The following LAMA3 variants were observed in gnomAD, a reference collection of about 807,000 sequenced individuals.
The protein encoded by LAMA3 is laminin subunit alpha 3, also known as laminin subunit alpha-3.
LAMA3 carries 281 observed loss-of-function variants against 402.0 expected under a neutral mutation model. The ratio of observed to expected loss-of-function variants is 0.70; its 90% CI spans 0.63 to 0.77. The LOEUF (loss-of-function observed/expected upper bound fraction) is 0.77. Ranked by LOEUF, LAMA3 falls within the 30% of genes least tolerant of loss-of-function variation. The probability of loss-of-function intolerance (pLI) is 0.00; values close to 1 mark genes in which losing one functional copy is unlikely to be tolerated. For synonymous variants in LAMA3, 1,431 were observed against 1,558.4 expected, an observed-to-expected ratio of 0.92 and a Z score of 1.93; for missense variants, 3,840 against 4,215.5, an observed-to-expected ratio of 0.91 and a Z score of 2.47.
Position 23,784,145 on chromosome 18 carries a change from C to T in LAMA3, c.1591C>T (p.Pro531Ser). 1 of 1,614,126 alleles carries T rather than the reference C, an allele frequency of 6.2e-7. No homozygotes were observed. The highest frequency in any genetic ancestry group is 1.1e-5 in the South Asian group (1 of 91,072). Residue 531 changes from proline (P) to serine (S), a missense_variant, in exon 12 of 75, where the codon CCT (proline) becomes TCT (serine). Physicochemically the swap from Pro to Ser is moderately conservative, Grantham distance 74. Transcript: ENST00000313654. ...DTCRSGFYSF[P>S]ICQACWCSAL... Reference sequence around the variant, plus strand: ...CTGCCGCTCTGGTTTCTACTCATTCCCTATTTGCCAAGGTAAGTGGGCAGA... The same window carrying T: ...CTGCCGCTCTGGTTTCTACTCATTCTCTATTTGCCAAGGTAAGTGGGCAGA...
At chr18:23,900,381 A>G (rs1329562263) in intron 47 of LAMA3, among the ~76,000 whole-genome samples, 1 of 152,122 alleles carries the variant, frequency 6.6e-6, no homozygotes, top group Non-Finnish European at 1.5e-5. Context: ...TCTGAAATGA[A>G]CTTTTGACTG....
rs909286342 is a variant in LAMA3 at position 23,839,722 on chromosome 18, A to G, written c.3192-63A>G. 1.8e-5 allele frequency: 28 copies of G among 1,571,600 alleles called. No individual in the cohort carries two copies. Among genetic ancestry groups the G allele is most frequent in the Non-Finnish European group, 2.5e-5 (28 of 1,142,046 alleles). ...ATGCTCCAAGTCTGTCTCTTCACTGATGGTCAGTTCTGTAGCTTTGGGTTC... is the reference window on the plus strand; with the variant it reads ...ATGCTCCAAGTCTGTCTCTTCACTGGTGGTCAGTTCTGTAGCTTTGGGTTC... On this transcript the variant is annotated intron_variant, in intron 26 of 74. Coordinates refer to ENST00000313654, the MANE Select transcript of LAMA3 (RefSeq NM_198129.4). The surrounding 1 kb of genome is among the most constrained non-coding windows in gnomAD (Gnocchi z 4.5).
intron 42 of LAMA3, among the ~76,000 whole-genome samples, chr18:23,891,660 T>G (rs910301526): frequency 6.6e-6 from 1 of 151,828 alleles, no homozygotes; most frequent in African/African-American, 2.4e-5. Context: ...TGTAGTTGAG[T>G]GGAAAAAATA....
At position 23,839,913 on chromosome 18, in the gene LAMA3, C is replaced by G. The variant is rs1205290420; in HGVS notation, c.3320C>G (p.Thr1107Ser). The G allele has an allele frequency of 1.2e-6, 2 of 1,614,186 alleles. No homozygotes were observed. The highest frequency in any genetic ancestry group is 2.2e-5 in the East Asian group (1 of 44,888). Residue 1107 changes from threonine to serine, a missense_variant, in exon 27 of 75, where the codon ACC becomes AGC. Physicochemically the swap from Thr to Ser is moderately conservative, Grantham distance 58. This residue lies in a region of LAMA3 where 2,109 missense variants were observed against 2,376.0 expected (regional missense o/e 0.89). Coordinates refer to ENST00000313654, the MANE Select transcript of LAMA3 (RefSeq NM_198129.4). This position sits in a 1 kb window ranked among gnomAD's most constrained non-coding sequence, Gnocchi z 4.5. ...SPSVDVLPGV[T>S]LKAPQNQVTL... ...TCTGTTGATGTTCTTCCTGGGGTCA[C>G]CTTGAAGGCACCGCAGGTAGTGTGC...
chr18:23,767,483 A>G (rs1396210590), intron 8 of LAMA3, among the ~76,000 whole-genome samples: 1 of 152,190 alleles, frequency 6.6e-6, no homozygotes, highest in African/African-American at 2.4e-5. Context: ...ACAGAACTCA[A>G]AAATAAAGCC....
intron 2 of LAMA3, among the ~76,000 whole-genome samples, chr18:23,736,236 T>A (rs1192784709): frequency 6.6e-6 from 1 of 150,844 alleles, no homozygotes; most frequent in Non-Finnish European, 1.5e-5. Flanking sequence ...ATGAAGTGCT[T>A]TTTTAATGTA....
Position 23,946,340 on chromosome 18 carries a change from A to G in LAMA3, c.9351+56A>G. On this transcript the variant is annotated intron_variant, in intron 70 of 74. Transcript: ENST00000313654. The stretch of plus-strand genomic sequence containing the variant: ...AAACAATTCACCTTATATTATAGGC[A>G]TAATTGTATGAGATATTCAAAATAC... 6 of 1,529,976 alleles carry G rather than the reference A, an allele frequency of 3.9e-6. No individual in the cohort carries two copies. The South Asian group carries it at 6.7e-5, about 17-fold the overall frequency. 94.8% of individuals were successfully genotyped at this position (1,529,976 alleles called of 1,614,324 possible).
chr18:23,889,940 G>C, intron 41 of LAMA3, 71 bp from the exon 42 acceptor site: 1 of 1,134,988 alleles, frequency 8.8e-7, no homozygotes, highest in Non-Finnish European at 1.3e-6. Flanking sequence ...GAGAGCTAGA[G>C]ATTGAGAAAA....
rs1189955074 is a variant in LAMA3, at chr18:23,953,129, C to T, written c.9856+20C>T. ...CTCCAGGTAACTCTTGTCCTGACTTCTATAATGTGTTGCCCTGTGTCAGCT... is the reference window on the plus strand; with the variant it reads ...CTCCAGGTAACTCTTGTCCTGACTTTTATAATGTGTTGCCCTGTGTCAGCT... On this transcript the variant is annotated intron_variant, in intron 74 of 74. Transcript: ENST00000313654. The T allele has an allele frequency of 6.2e-7, 1 of 1,613,380 alleles. No individual in the cohort carries two copies. Among genetic ancestry groups the T allele is most frequent in the South Asian group, 1.1e-5 (1 of 91,048 alleles).
chr18:23,720,140 G>A (rs571506357), intron 2 of LAMA3, among the ~76,000 whole-genome samples: 3 of 152,296 alleles, frequency 2.0e-5, no homozygotes, highest in African/African-American at 7.2e-5. Context: ...AACTTTCCCA[G>A]GGTATAGTAG....
intron 35 of LAMA3, among the ~76,000 whole-genome samples, chr18:23,862,015 A>G (rs1027251148): frequency 6.6e-6 from 1 of 152,242 alleles, no homozygotes; most frequent in African/African-American, 2.4e-5. Context: ...ATTGCCATGC[A>G]TGAGCTACCA....
intron 72 of LAMA3, 36 bp from the exon 73 acceptor site, chr18:23,951,648 T>C: frequency 6.4e-7 from 1 of 1,573,420 alleles, no homozygotes; most frequent in Non-Finnish European, 8.7e-7. Flanking sequence ...CCACCTGCCT[T>C]CCTGAAGGAA....
intron 12 of LAMA3, among the ~76,000 whole-genome samples, chr18:23,800,360 T>C (rs2062844882): frequency 6.6e-6 from 1 of 152,184 alleles, no homozygotes; most frequent in Admixed American, 6.5e-5. Flanking sequence ...GGTTGAATGA[T>C]AAGGAGATGA....
At position 23,845,048 on chromosome 18, in the gene LAMA3, C is replaced by T. The variant is rs1431132714; in HGVS notation, c.3643C>T (p.Gln1215Ter). 1 of 1,612,568 alleles carries T rather than the reference C, an allele frequency of 6.2e-7. No individual in the cohort carries two copies. Among genetic ancestry groups the T allele is most frequent in the Non-Finnish European group, 8.5e-7 (1 of 1,178,680 alleles). ...GGTGCCTGCAGAAAACTATGACTAC[C>T]AAATACTTCACAAAAAATCCATGGA... is the stretch of plus-strand genomic sequence containing the variant. ...LVVPAENYDY[Q>*]ILHKKSMDKS... is the part of the protein sequence containing the mutation. The change falls in exon 30 of 75, where the codon CAA (glutamine) becomes TAA (stop). Residue 1215 changes from glutamine (Q) to a stop codon, truncating the protein, a stop_gained. Coordinates refer to ENST00000313654, the MANE Select transcript of LAMA3 (RefSeq NM_198129.4). LOFTEE classifies it high-confidence loss of function.
chr18:23,788,690 T>TTCATAA (rs1218524956), intron 12 of LAMA3, among the ~76,000 whole-genome samples: 49 of 151,810 alleles, frequency 3.2e-4, no homozygotes, highest in African/African-American at 1.2e-3. Flanking sequence ...GGCATAAATC[T>TTCATAA]TCATAACCAT....
chr18:23,771,445 T>G (rs1041338620), intron 8 of LAMA3, among the ~76,000 whole-genome samples: 3 of 152,126 alleles, frequency 2.0e-5, no homozygotes, highest in Admixed American at 1.3e-4. Flanking sequence ...AGAGGAACTT[T>G]GGGGTAATGA....
At chr18:23,832,320 A>C (rs1202545240) in intron 23 of LAMA3, among the ~76,000 whole-genome samples, 1 of 152,172 alleles carries the variant, frequency 6.6e-6, no homozygotes, top group East Asian at 1.9e-4. Context: ...TAGAACATGG[A>C]GTCAACATTG....
At chr18:23,947,364 C>T (rs2082744027) in intron 70 of LAMA3, among the ~76,000 whole-genome samples, 1 of 152,208 alleles carries the variant, frequency 6.6e-6, no homozygotes, top group African/African-American at 2.4e-5. Flanking sequence ...TGTCCTCCGC[C>T]TTAATGCAAT....
At chr18:23,852,327 G>C (rs1598922600) in intron 32 of LAMA3, among the ~76,000 whole-genome samples, 1 of 152,336 alleles carries the variant, frequency 6.6e-6, no homozygotes, top group Non-Finnish European at 1.5e-5. Context: ...GTGAACTTGA[G>C]ACAATGTTGA....
Sources: gnomAD v4.1 joint callset for allele counts (sites outside exome capture counted in the v4.1 genomes callset) on GRCh38, gnomAD v4.1.1 for gene constraint, gnomAD v4.1.1 regional missense constraint, Gnocchi (gnomAD v3.1) non-coding constraint, MANE v1.5 for transcripts, NCBI Gene and HGNC (gene_info 2026-07-23, HGNC 2026-07-21) for gene names.